Variants in RYR2 observed in about 807,000 individuals in gnomAD.
RYR2 encodes ryanodine receptor 2.
In RYR2, 227 loss-of-function variants were observed where a neutral mutation model predicts 601.1. The ratio of observed to expected loss-of-function variants is 0.38; its 90% CI spans 0.34 to 0.42. The LOEUF is 0.42. Ranked by LOEUF, RYR2 falls within the 10% of genes least tolerant of loss-of-function variation. The pLI is 1.00. For synonymous variants in RYR2, 2,223 were observed against 2,175.1 expected (o/e 1.02, Z -0.61); for missense variants, 4,646 against 6,156.5 (o/e 0.75, Z 8.21).
chr1:237,127,411 G>C (rs1671574535), intron 1 of RYR2, among the ~76,000 whole-genome samples: 1 of 150,196 alleles, frequency 6.7e-6, no homozygotes, highest in African/African-American at 2.5e-5. Context: ...GCCGGGCGGG[G>C]GGCTGACCCC....
chr1:237,329,404 G>A (rs1417178007), intron 2 of RYR2, among the ~76,000 whole-genome samples: 2 of 152,008 alleles, frequency 1.3e-5, no homozygotes, highest in Non-Finnish European at 2.9e-5. Context: ...CACTTTGGGA[G>A]GCCGAGGTGG....
chr1:237,230,710 G>A (rs1175335418), intron 1 of RYR2, among the ~76,000 whole-genome samples: 1 of 152,118 alleles, frequency 6.6e-6, no homozygotes, highest in East Asian at 1.9e-4. Context: ...CCTGAGGTCA[G>A]GAGTTCAAGA....
chr1:237,787,597 CAAA>C (rs778668137), intron 91 of RYR2, among the ~76,000 whole-genome samples: 7 of 60,388 alleles, frequency 1.2e-4, no homozygotes, highest in Non-Finnish European at 1.2e-4. Context: ...GTCTCAAAAA[CAAA>C]AAAAAAAAAA....
chr1:237,233,876 G>T (rs1685260782), intron 1 of RYR2, among the ~76,000 whole-genome samples: 1 of 151,646 alleles, frequency 6.6e-6, no homozygotes, highest in Non-Finnish European at 1.5e-5. Flanking sequence ...TTTTTTTATA[G>T]AGATGGGGTT....
chr1:237,339,889 T>A lies in RYR2; in HGVS notation c.273+8907T>A, dbSNP rs891149475. ...CAGGAATTCCCTGGCAGAATTTCCC[T>A]CATACCCATTGTCACACACCCATAG... On this transcript the variant is annotated intron_variant, in intron 3 of 104. Coordinates refer to ENST00000366574, the MANE Select transcript of RYR2 (RefSeq NM_001035.3). 3.9e-5 allele frequency among the ~76,000 whole-genome samples: 6 copies of A among 152,202 alleles called. No homozygotes were observed. The South Asian group carries it at 6.2e-4, about 16-fold the overall frequency.
chr1:237,220,500 C>A (rs904680660), intron 1 of RYR2, among the ~76,000 whole-genome samples: 1 of 152,202 alleles, frequency 6.6e-6, no homozygotes, highest in Non-Finnish European at 1.5e-5. Flanking sequence ...AGCTTGCAGT[C>A]AGCCTGTCGT....
At chr1:237,057,681 GA>G (rs959997663) in intron 1 of RYR2, among the ~76,000 whole-genome samples, 2 of 152,244 alleles carry the variant, frequency 1.3e-5, no homozygotes, top group African/African-American at 4.8e-5. Context: ...AAAAGTTAGG[GA>G]TGCTTTTCTT....
intron 25 of RYR2, among the ~76,000 whole-genome samples, chr1:237,536,186 C>G (rs1668589181): frequency 6.6e-6 from 1 of 152,220 alleles, no homozygotes; most frequent in Non-Finnish European, 1.5e-5. Context: ...GACGCTTGAC[C>G]ATTTCCTTAA....
At chr1:237,316,139 C>T (rs1204578054) in intron 2 of RYR2, among the ~76,000 whole-genome samples, 2 of 152,084 alleles carry the variant, frequency 1.3e-5, no homozygotes, top group Admixed American at 1.3e-4. Context: ...TTAGAAATTA[C>T]ATTGAGAAAC....
chr1:237,458,688 A>G (rs1439122314), intron 16 of RYR2, among the ~76,000 whole-genome samples: 1 of 152,136 alleles, frequency 6.6e-6, no homozygotes, highest in Non-Finnish European at 1.5e-5. Flanking sequence ...CTAAGTTCTG[A>G]TAAAATAGGA....
chr1:237,630,687 C>T (rs1426205592), intron 41 of RYR2, among the ~76,000 whole-genome samples: 1 of 152,120 alleles, frequency 6.6e-6, no homozygotes, highest in Non-Finnish European at 1.5e-5. Flanking sequence ...TAGAAATCAA[C>T]AGAGCTCTTT....
chr1:237,449,739 C>T (rs569219672), intron 14 of RYR2, among the ~76,000 whole-genome samples: 1 of 148,602 alleles, frequency 6.7e-6, no homozygotes, highest in Non-Finnish European at 1.5e-5. Flanking sequence ...TTGCTGTGTA[C>T]AGCATTCTAG....
At chr1:237,687,269 C>T (rs1161722292) in intron 62 of RYR2, among the ~76,000 whole-genome samples, 186 bp from the exon 63 acceptor site, 1 of 151,578 alleles carries the variant, frequency 6.6e-6, no homozygotes, top group Non-Finnish European at 1.5e-5. Context: ...AATACCTTTA[C>T]TCCACATTCT....
At chr1:237,823,129 G>GA (rs1662701860) in intron 101 of RYR2, among the ~76,000 whole-genome samples, 1 of 152,032 alleles carries the variant, frequency 6.6e-6, no homozygotes, top group Admixed American at 6.6e-5. Context: ...ATCAATGAGA[G>GA]AAAATTAACA....
In RYR2 at chr1:237,595,534, T is replaced by G. The variant is rs1675796381; in HGVS notation, c.4473T>G (p.Gly1491=). Reference sequence around the variant, plus strand: ...GCAACTGCTATATGGTATGTGCGGGTGAGAGCATGAGCCCCGGGCAAGGAC... The same window carrying G: ...GCAACTGCTATATGGTATGTGCGGGGGAGAGCATGAGCCCCGGGCAAGGAC... ...KRSNCYMVCA[G]ESMSPGQGRN... is the part of the protein sequence containing the mutation. Residue 1491 remains glycine (G), a synonymous_variant, in exon 34 of 105, where the codon GGT becomes GGG. Transcript: ENST00000366574. The G allele has an allele frequency of 1.9e-6, 3 of 1,613,622 alleles. No homozygotes were observed. The highest frequency in any genetic ancestry group is 1.7e-6 in the Non-Finnish European group (2 of 1,179,718).
Position 237,240,075 on chromosome 1 carries a change from A to G in RYR2, c.49-30422A>G, listed in dbSNP as rs540733827. On this transcript the variant is annotated intron_variant, in intron 1 of 104. Coordinates refer to ENST00000366574, the MANE Select transcript of RYR2 (RefSeq NM_001035.3). ...CAAGAGACACATTCGTTTACCATAT[A>G]TAGTCTGTTGTTTTCCTGGTGTTTT... 4.6e-5 allele frequency among the ~76,000 whole-genome samples: 7 copies of G among 152,202 alleles called. No homozygotes were observed. In the South Asian group the frequency reaches 1.4e-3, roughly 32 times the overall value.
At chr1:237,196,104 A>G (rs1680531312) in intron 1 of RYR2, among the ~76,000 whole-genome samples, 1 of 152,216 alleles carries the variant, frequency 6.6e-6, no homozygotes, top group African/African-American at 2.4e-5. Flanking sequence ...ACAAATGTCA[A>G]GTTAATGGCA....
At chr1:237,649,786 G>A in intron 49 of RYR2, 91 bp from the exon 50 acceptor site, 1 of 1,032,150 alleles carries the variant, frequency 9.7e-7, no homozygotes, top group Non-Finnish European at 1.4e-6. Flanking sequence ...TCATCTTCCG[G>A]ATAGTGAAAT....
chr1:237,465,902 A>T (rs2150284123), intron 16 of RYR2, among the ~76,000 whole-genome samples: 1 of 152,334 alleles, frequency 6.6e-6, no homozygotes, highest in South Asian at 2.1e-4. Flanking sequence ...TGATCATTTT[A>T]TCTGATTCAT....
Sources: gnomAD v4.1 joint callset for allele counts (sites outside exome capture counted in the v4.1 genomes callset) on GRCh38, gnomAD v4.1.1 for gene constraint, MANE v1.5 for transcripts, NCBI Gene and HGNC (gene_info 2026-07-23, HGNC 2026-07-21) for gene names.